The following ACOT1 variants were observed in gnomAD, a reference collection of about 807,000 sequenced individuals.
The protein encoded by ACOT1 is acyl-CoA thioesterase 1.
ACOT1 carries 8 observed loss-of-function variants against 15.7 expected under a neutral mutation model. The ratio of observed to expected loss-of-function variants is 0.51; its 90% CI spans 0.30 to 0.92. ACOT1 has a LOEUF of 0.92. Ranked by LOEUF, ACOT1 falls within the 40% of genes least tolerant of loss-of-function variation. The pLI, the probability that ACOT1 is intolerant of heterozygous loss-of-function variation, is 0.06. For synonymous variants in ACOT1, 67 were observed against 241.2 expected (o/e 0.28, Z 6.69); for missense variants, 151 against 539.4 (o/e 0.28, Z 7.13).
chr14:73,514,360 G>A, the ACOT1 span: 17 of 766,884 alleles, frequency 2.2e-5, no homozygotes, highest in Non-Finnish European at 3.4e-5. Context: ...CCTCAAGAGT[G>A]AATTTCCCCA....
the ACOT1 span, among the ~76,000 whole-genome samples, chr14:73,507,178 A>C: frequency 1.7e-4 from 26 of 152,170 alleles, no homozygotes; most frequent in Non-Finnish European, 3.5e-4. Flanking sequence ...TTTCTATTGA[A>C]AGTAACTAAA....
chr14:73,492,693 T>C, the ACOT1 span: 1 of 1,613,662 alleles, frequency 6.2e-7, no homozygotes, highest in Non-Finnish European at 8.5e-7. This position sits in a 1 kb window ranked among gnomAD's most constrained non-coding sequence, Gnocchi z 4.9. Context: ...GCTCGGCTGG[T>C]GGGTGAGGGG....
the ACOT1 span, chr14:73,490,986 G>A: frequency 9.8e-6 from 13 of 1,331,246 alleles, no homozygotes; most frequent in South Asian, 4.4e-5. Flanking sequence ...GCCCCCGGCC[G>A]GCCGGGCGGG....
the ACOT1 span, among the ~76,000 whole-genome samples, chr14:73,516,263 G>A: frequency 7.8e-4 from 46 of 59,060 alleles, no homozygotes; most frequent in Non-Finnish European, 8.9e-4. Context: ...ACGTGCTGGG[G>A]GACTCAGCCA....
chr14:73,517,391 C>T, the ACOT1 span: 1 of 152,058 alleles, frequency 6.6e-6, no homozygotes, highest in African/African-American at 2.4e-5. Context: ...GAAAAAGAAT[C>T]CTCTGGCTGG....
chr14:73,491,027 C>G, the ACOT1 span: 1 of 1,546,124 alleles, frequency 6.5e-7, no homozygotes, highest in Non-Finnish European at 8.7e-7. Flanking sequence ...CATGGATGGG[C>G]TCCAGGCCAG....
the ACOT1 span, chr14:73,500,469 G>T: frequency 1.4e-6 from 2 of 1,389,424 alleles, no homozygotes; most frequent in Non-Finnish European, 2.0e-6. Flanking sequence ...ACAGAATGTT[G>T]AGCATACTGT....
upstream of ACOT1, among the ~76,000 whole-genome samples, chr14:73,536,422 G>A (rs1888862778): frequency 9.3e-6 from 1 of 107,664 alleles, no homozygotes; most frequent in South Asian, 3.0e-4. Context: ...GCAGGAAGAT[G>A]GCTTTAGCCC....
At chr14:73,509,342 G>A in the ACOT1 span, 123 of 1,613,970 alleles carry the variant, frequency 7.6e-5, no homozygotes, top group Non-Finnish European at 9.2e-5. Context: ...ATGATGTTCC[G>A]GGCAAGGGGA....
chr14:73,492,847 C>T, the ACOT1 span: 2 of 1,613,756 alleles, frequency 1.2e-6, no homozygotes, highest in African/African-American at 2.7e-5. This position sits in a 1 kb window ranked among gnomAD's most constrained non-coding sequence, Gnocchi z 4.9. Context: ...GAGTGGGGGA[C>T]CTGCCCTGTG....
the ACOT1 span, chr14:73,492,629 G>C: frequency 9.9e-6 from 16 of 1,613,800 alleles, no homozygotes; most frequent in Middle Eastern, 1.6e-4. This position sits in a 1 kb window ranked among gnomAD's most constrained non-coding sequence, Gnocchi z 4.9. Context: ...ACCTGTAAAC[G>C]TGGGGGCCCA....
the ACOT1 span, among the ~76,000 whole-genome samples, chr14:73,502,247 C>T: frequency 2.0e-5 from 3 of 152,132 alleles, no homozygotes; most frequent in South Asian, 4.2e-4. Context: ...CCTCTAGCCA[C>T]GCTGAGTATT....
the ACOT1 span, among the ~76,000 whole-genome samples, chr14:73,515,450 C>T: frequency 7.2e-5 from 11 of 151,876 alleles, no homozygotes; most frequent in South Asian, 6.2e-4. Flanking sequence ...GAGGCCAAAG[C>T]GGGTGGATCA....
At chr14:73,533,801 G>A (rs1439577197), upstream of ACOT1, among the ~76,000 whole-genome samples, 5 of 106,788 alleles carry the variant, frequency 4.7e-5, 1 homozygote, top group South Asian at 9.3e-4. Flanking sequence ...TAATTCTAGC[G>A]CTTTGAGAGG....
the ACOT1 span, among the ~76,000 whole-genome samples, chr14:73,502,549 T>C: frequency 6.6e-6 from 1 of 151,866 alleles, no homozygotes; most frequent in African/African-American, 2.4e-5. Flanking sequence ...CCAGGCCTCC[T>C]AAGCACTTTT....
the ACOT1 span, among the ~76,000 whole-genome samples, chr14:73,511,162 A>G: frequency 6.6e-6 from 1 of 152,138 alleles, no homozygotes; most frequent in South Asian, 2.1e-4. Flanking sequence ...GGTAATTTGA[A>G]GCTCAGAGAG....
chr14:73,498,345 C>G, the ACOT1 span: 1 of 1,591,402 alleles, frequency 6.3e-7, no homozygotes, highest in Non-Finnish European at 8.6e-7. Flanking sequence ...TGTCCCAAAG[C>G]TGCAGAGATT....
intron 1 of ACOT1, among the ~76,000 whole-genome samples, chr14:73,540,883 A>G (rs867228056): frequency 8.7e-3 from 972 of 111,456 alleles, no homozygotes; most frequent in African/African-American, 0.029. Context: ...CTGGGATTAC[A>G]GGTGGCCGCC....
At chr14:73,493,053 T>C in the ACOT1 span, 1 of 1,611,020 alleles carries the variant, frequency 6.2e-7, no homozygotes, top group Non-Finnish European at 8.5e-7. Context: ...AGCATCAGTG[T>C]GCTCACATTT....
Sources: allele counts gnomAD v4.1 joint callset (sites outside exome capture counted in the v4.1 genomes callset), GRCh38; gene constraint gnomAD v4.1.1; non-coding constraint Gnocchi (gnomAD v3.1); transcripts MANE v1.5; gene names NCBI Gene and HGNC (gene_info 2026-07-23, HGNC 2026-07-21).